Variants in SYNE2 observed in about 807,000 individuals in gnomAD.
SYNE2 encodes the protein nesprin-2.
Under a neutral mutation model 856.3 loss-of-function variants are expected in SYNE2, and 431 were observed. The observed-to-expected ratio is 0.50, with a 90% CI of 0.47 to 0.55. The LOEUF (loss-of-function observed/expected upper bound fraction) is 0.55. SYNE2 is among the 20% of genes least tolerant of loss of function. The pLI, the probability that SYNE2 is intolerant of heterozygous loss-of-function variation, is 0.00. For synonymous variants in SYNE2, 2,923 were observed against 2,872.3 expected (o/e 1.02, Z -0.56); for missense variants, 8,129 against 8,023.2 (o/e 1.01, Z -0.50).
In SYNE2 at chr14:64,209,927, T is replaced by C; in HGVS notation, c.18541-15T>C. 2 of 1,614,004 alleles carry C rather than the reference T, an allele frequency of 1.2e-6. No individual in the cohort carries two copies. The highest frequency in any genetic ancestry group is 1.7e-6 in the Non-Finnish European group (2 of 1,180,016). ...CTCTGCATGCTTTGGCTCTGACCCC[T>C]CCCATGTGATGCAGGCCTTTCAGCG... On this transcript the variant is annotated splice_polypyrimidine_tract_variant and intron_variant, in intron 102 of 115. Coordinates refer to ENST00000555002, the MANE Select transcript of SYNE2 (RefSeq NM_182914.3).
chr14:64,199,230 T>C (rs975143104), intron 99 of SYNE2, among the ~76,000 whole-genome samples: 1 of 152,220 alleles, frequency 6.6e-6, no homozygotes, highest in Non-Finnish European at 1.5e-5. Flanking sequence ...AAAATGATCC[T>C]GTATCTCCAG....
At chr14:64,078,444 T>G in intron 54 of SYNE2, 22 bp from the exon 55 acceptor site, 1 of 1,613,068 alleles carries the variant, frequency 6.2e-7, no homozygotes. Context: ...CTAAGCCAAA[T>G]GCGTCTTTGT....
At chr14:64,082,456 G>C (rs988837267) in intron 57 of SYNE2, among the ~76,000 whole-genome samples, 2 of 152,180 alleles carry the variant, frequency 1.3e-5, no homozygotes, top group Non-Finnish European at 1.5e-5. Context: ...GCCTGCAGCA[G>C]AGTGCAGAGA....
At chr14:64,222,826 C>CG (rs2098701124) in intron 112 of SYNE2, among the ~76,000 whole-genome samples, 1 of 152,160 alleles carries the variant, frequency 6.6e-6, no homozygotes, top group Admixed American at 6.5e-5. Context: ...GTATGAACCT[C>CG]TATGGTTACG....
chr14:63,887,480 C>T (rs1191348544), intron 1 of SYNE2, among the ~76,000 whole-genome samples: 1 of 152,152 alleles, frequency 6.6e-6, no homozygotes, highest in Non-Finnish European at 1.5e-5. Flanking sequence ...GGAAGGTGTT[C>T]AGCCTGTGGC....
Position 64,158,701 on chromosome 14 carries a change from A to G in SYNE2, c.15869A>G (p.Asn5290Ser), listed in dbSNP as rs374774137. 20 of 1,614,036 alleles carry G rather than the reference A, an allele frequency of 1.2e-5. No homozygotes were observed. Among genetic ancestry groups the G allele is most frequent in the Middle Eastern group, 1.6e-4 (1 of 6,062 alleles). The stretch of plus-strand genomic sequence containing the variant: ...TATGATCAACTCTATGATGAAGTGA[A>G]TATGATGACAATCCGATTCTGGTAC... ...KIYDQLYDEV[N>S]MMTIRFWYCM... Residue 5290 changes from asparagine (N) to serine (S), a missense_variant, in exon 86 of 116, where the codon AAT becomes AGT. Asn to Ser is a conservative substitution (Grantham distance 46). Coordinates refer to ENST00000555002, the MANE Select transcript of SYNE2 (RefSeq NM_182914.3).
chr14:63,819,838 A>G lies in SYNE2; in HGVS notation c.-304-32663A>G, dbSNP rs1172400094. 3.9e-5 allele frequency among the ~76,000 whole-genome samples: 6 copies of G among 152,288 alleles called. No homozygotes were observed. In the South Asian group the frequency reaches 6.2e-4, roughly 16 times the overall value. ...GGCGTGAGCACCGCATCCTGCCCCA[A>G]TTTTATTTCTTTATGCTAGTAATAA... On this transcript the variant is annotated intron_variant, in intron 1 of 23. Transcript: ENST00000674003.
At chr14:64,034,448 T>C (rs1333553000) in intron 45 of SYNE2, 1 of 458,424 alleles carries the variant, frequency 2.2e-6, no homozygotes, top group South Asian at 5.0e-5. Context: ...TTTTAGAAAG[T>C]TTTTATTTCT....
At chr14:64,070,935 G>A (rs781141552) in intron 52 of SYNE2, 25 bp downstream of exon 52, 1 of 1,613,328 alleles carries the variant, frequency 6.2e-7, no homozygotes, top group South Asian at 1.1e-5. Context: ...AAACTATTAA[G>A]GACGTGTGCT....
intron 25 of SYNE2, among the ~76,000 whole-genome samples, chr14:63,998,002 C>T (rs1316183223): frequency 4.6e-5 from 7 of 152,142 alleles, no homozygotes; most frequent in Non-Finnish European, 1.0e-4. Context: ...GGCTGGGAGT[C>T]TTCCTTTACC....
chr14:64,158,314 A>G (rs1211081529), intron 85 of SYNE2, among the ~76,000 whole-genome samples: 1 of 152,236 alleles, frequency 6.6e-6, no homozygotes, highest in African/African-American at 2.4e-5. Flanking sequence ...CTAATAGAAT[A>G]TAACTGAACC....
At chr14:63,969,778 C>G (rs1053070025) in intron 11 of SYNE2, among the ~76,000 whole-genome samples, 3 of 152,110 alleles carry the variant, frequency 2.0e-5, no homozygotes, top group Non-Finnish European at 4.4e-5. Flanking sequence ...ATAATTTTCA[C>G]ATATAATGTT....
At chr14:64,211,410 G>C (rs1234215192) in intron 103 of SYNE2, among the ~76,000 whole-genome samples, 1 of 152,202 alleles carries the variant, frequency 6.6e-6, no homozygotes, top group Non-Finnish European at 1.5e-5. Context: ...AATTGGAGAT[G>C]ATACAACTGC....
intron 18 of SYNE2, among the ~76,000 whole-genome samples, chr14:63,984,655 C>T (rs934388808): frequency 1.3e-5 from 2 of 152,174 alleles, no homozygotes; most frequent in African/African-American, 4.8e-5. Flanking sequence ...AAATCATATA[C>T]TTGTAAGATA....
chr14:64,085,261 G>A (rs1039819992), intron 57 of SYNE2, among the ~76,000 whole-genome samples: 2 of 152,132 alleles, frequency 1.3e-5, no homozygotes, highest in Admixed American at 6.5e-5. Context: ...TTGCAAAAAG[G>A]TTTCACTTTG....
Position 64,002,054 on chromosome 14 carries a change from T to C in SYNE2, c.3759T>C (p.Asp1253=). The C allele has an allele frequency of 6.2e-7, 1 of 1,613,662 alleles. No homozygotes were observed. The highest frequency in any genetic ancestry group is 8.5e-7 in the Non-Finnish European group (1 of 1,179,548). ...KMAIQGFHLI[D]ADRIYQHLRN... The stretch of plus-strand genomic sequence containing the variant: ...CCATCCAGGGATTTCATCTCATTGA[T>C]GCTGATCGCATCTATCAACACCTAA... Residue 1253 remains aspartate (D), a synonymous_variant, in exon 29 of 116, where the codon GAT becomes GAC. Transcript: ENST00000555002.
intron 57 of SYNE2, among the ~76,000 whole-genome samples, chr14:64,086,075 C>T (rs1217958328): frequency 1.3e-5 from 2 of 152,270 alleles, no homozygotes; most frequent in South Asian, 4.1e-4. Flanking sequence ...TCTAAGAAAT[C>T]CTTACCTAAC....
chr14:64,202,992 A>G, intron 100 of SYNE2, 29 bp downstream of exon 100: 2 of 1,613,224 alleles, frequency 1.2e-6, no homozygotes, highest in Non-Finnish European at 1.7e-6. Context: ...AGCTCTTGCA[A>G]GAGTACGGTG....
Position 64,146,057 on chromosome 14 carries a change from C to A in SYNE2, c.15484-11C>A. The A allele has an allele frequency of 6.5e-7, 1 of 1,530,794 alleles. No homozygotes were observed. Among genetic ancestry groups the A allele is most frequent in the Non-Finnish European group, 8.9e-7 (1 of 1,126,630 alleles). 94.8% of individuals were successfully genotyped at this position (1,530,794 alleles called of 1,614,324 possible). A position where few individuals can be genotyped will look rare whatever the true frequency, so the allele number is the denominator to read the frequency against. Reference sequence around the variant, plus strand: ...ATTTTAACATTTTTTGTAATCTTTACATTCACTTAGATACAACATTTAGAA... The same window carrying A: ...ATTTTAACATTTTTTGTAATCTTTAAATTCACTTAGATACAACATTTAGAA... On this transcript the variant is annotated splice_polypyrimidine_tract_variant and intron_variant, in intron 83 of 115. Coordinates refer to ENST00000555002, the MANE Select transcript of SYNE2 (RefSeq NM_182914.3).
Sources: gnomAD v4.1 joint callset for allele counts (sites outside exome capture counted in the v4.1 genomes callset) on GRCh38, gnomAD v4.1.1 for gene constraint, MANE v1.5 for transcripts, NCBI Gene and HGNC (gene_info 2026-07-23, HGNC 2026-07-21) for gene names.